Variants in PDE10A observed in about 807,000 individuals in gnomAD.
The protein encoded by PDE10A is cAMP and cAMP-inhibited cGMP 3',5'-cyclic phosphodiesterase 10A.
In PDE10A, 39 loss-of-function variants were observed where a neutral mutation model predicts 97.7. The observed-to-expected ratio is 0.40, with a 90% CI of 0.31 to 0.52. The LOEUF (loss-of-function observed/expected upper bound fraction) is 0.52, where lower values mean the gene tolerates loss of function less well. Among genes scored for constraint, PDE10A ranks in the 20% least tolerant of loss-of-function variants. PDE10A has a pLI of 0.56. For missense variants in PDE10A, 731 were observed against 1,047.8 expected (o/e 0.70, Z 4.17); for synonymous variants, 371 against 376.8 (o/e 0.98, Z 0.18).
chr6:165,848,216 C>T (rs1275082464), intron 1 of PDE10A, among the ~76,000 whole-genome samples: 1 of 152,176 alleles, frequency 6.6e-6, no homozygotes, highest in Non-Finnish European at 1.5e-5. Context: ...CTGAGCGCCC[C>T]CTATGTGGCG....
chr6:165,646,342 G>A (rs531267605), intron 1 of PDE10A, among the ~76,000 whole-genome samples: 15 of 152,242 alleles, frequency 9.9e-5, no homozygotes, highest in African/African-American at 3.4e-4. Flanking sequence ...TATGTAAGGT[G>A]GGCAATTCAA....
chr6:165,517,807 T>G (rs1265068906), intron 2 of PDE10A, among the ~76,000 whole-genome samples: 1 of 152,218 alleles, frequency 6.6e-6, no homozygotes, highest in African/African-American at 2.4e-5. Flanking sequence ...AATCTACATA[T>G]GTGTTAAAAT....
At chr6:165,812,195 G>A (rs915348289) in intron 1 of PDE10A, among the ~76,000 whole-genome samples, 2 of 151,930 alleles carry the variant, frequency 1.3e-5, no homozygotes, top group Non-Finnish European at 1.5e-5. Context: ...CTTTCAGAAA[G>A]TAGGAAGGTA....
At chr6:165,679,004 A>G (rs1466484997) in intron 1 of PDE10A, among the ~76,000 whole-genome samples, 1 of 152,210 alleles carries the variant, frequency 6.6e-6, no homozygotes, top group Non-Finnish European at 1.5e-5. Context: ...CCATTGATTT[A>G]ATTCATGTGG....
At chr6:165,879,906 C>T (rs1345535732) in intron 1 of PDE10A, among the ~76,000 whole-genome samples, 1 of 120,698 alleles carries the variant, frequency 8.3e-6, no homozygotes, top group Non-Finnish European at 1.7e-5. Flanking sequence ...TACAGCTTCT[C>T]GGTGGATATG....
intron 1 of PDE10A, among the ~76,000 whole-genome samples, chr6:165,827,810 C>G (rs566174801): frequency 6.6e-6 from 1 of 152,198 alleles, no homozygotes; most frequent in Non-Finnish European, 1.5e-5. Flanking sequence ...GTCCCCCTCC[C>G]GCATTTTCCT....
intron 5 of PDE10A, among the ~76,000 whole-genome samples, chr6:165,438,171 C>T (rs184754975): frequency 5.7e-4 from 87 of 152,102 alleles, no homozygotes; most frequent in African/African-American, 1.9e-3. Flanking sequence ...TCCTCAAAGA[C>T]GCTTTTTTTA....
At chr6:165,926,512 T>TA (rs1348675081) in intron 1 of PDE10A, among the ~76,000 whole-genome samples, 2 of 152,276 alleles carry the variant, frequency 1.3e-5, no homozygotes, top group Non-Finnish European at 2.9e-5. Flanking sequence ...TTTAAAGACT[T>TA]AGAGTTTACA....
At chr6:165,683,061 T>C (rs1158586873) in intron 1 of PDE10A, among the ~76,000 whole-genome samples, 1 of 152,338 alleles carries the variant, frequency 6.6e-6, no homozygotes, top group African/African-American at 2.4e-5. Context: ...CCTTCAACAT[T>C]CAGCACAGCT....
At chr6:165,825,449 T>A (rs182187644) in intron 1 of PDE10A, among the ~76,000 whole-genome samples, 96 of 152,282 alleles carry the variant, frequency 6.3e-4, no homozygotes, top group African/African-American at 2.2e-3. Flanking sequence ...CCAATTTAGA[T>A]CCCTGAAATA....
At chr6:165,431,390 G>T in intron 8 of PDE10A, 32 bp downstream of exon 8, 1 of 1,531,336 alleles carries the variant, frequency 6.5e-7, no homozygotes. Flanking sequence ...TCTCCCTTAG[G>T]AAGCCCCTGC....
At chr6:165,408,117 T>C (rs1400159408) in intron 13 of PDE10A, among the ~76,000 whole-genome samples, 7 of 152,206 alleles carry the variant, frequency 4.6e-5, no homozygotes, top group Non-Finnish European at 7.3e-5. Context: ...AGAATTTTCA[T>C]GTACAAAACA....
chr6:165,620,689 C>T (rs1230588006), intron 1 of PDE10A, among the ~76,000 whole-genome samples: 1 of 152,150 alleles, frequency 6.6e-6, no homozygotes, highest in Non-Finnish European at 1.5e-5. Context: ...TGGACTCTAC[C>T]TTTGGTTCTA....
At chr6:165,500,920 A>C (rs1397745153) in intron 2 of PDE10A, among the ~76,000 whole-genome samples, 1 of 152,184 alleles carries the variant, frequency 6.6e-6, no homozygotes, top group Non-Finnish European at 1.5e-5. Context: ...ATGTTTGTGT[A>C]CGTGCACATC....
At chr6:165,618,272 CAAG>C (rs1787818817) in intron 1 of PDE10A, among the ~76,000 whole-genome samples, 1 of 151,840 alleles carries the variant, frequency 6.6e-6, no homozygotes, top group Non-Finnish European at 1.5e-5. Flanking sequence ...GTTAATGTAA[CAAG>C]AATTTAACTT....
chr6:165,876,830 A>G (rs1781357608), intron 1 of PDE10A, among the ~76,000 whole-genome samples: 1 of 152,182 alleles, frequency 6.6e-6, no homozygotes, highest in African/African-American at 2.4e-5. Context: ...CAGAAATCAC[A>G]GTTTGAGTTA....
At chr6:165,718,123 T>C (rs1280765928) in intron 1 of PDE10A, 1 of 152,234 alleles carries the variant, frequency 6.6e-6, no homozygotes, top group Admixed American at 6.5e-5. Context: ...ATTGTTTTCT[T>C]TTGTTGCCTG....
chr6:165,800,201 C>T (rs1011349225), intron 1 of PDE10A, among the ~76,000 whole-genome samples: 2 of 152,166 alleles, frequency 1.3e-5, no homozygotes, highest in African/African-American at 4.8e-5. Flanking sequence ...AGGTGTCATT[C>T]TGCTGAGCCC....
At chr6:165,687,912 A>G (rs1037138230) in intron 1 of PDE10A, among the ~76,000 whole-genome samples, 3 of 152,216 alleles carry the variant, frequency 2.0e-5, no homozygotes, top group African/African-American at 7.2e-5. Flanking sequence ...AAGCTTGAGC[A>G]CGCAGAGGTT....
Sources: gnomAD v4.1 joint callset for allele counts (sites outside exome capture counted in the v4.1 genomes callset) on GRCh38, gnomAD v4.1.1 for gene constraint, MANE v1.5 for transcripts, NCBI Gene and HGNC (gene_info 2026-07-23, HGNC 2026-07-21) for gene names.